NAA35: variants seen among roughly 807,000 people sequenced by gnomAD.
NAA35 encodes the protein MAK10 homolog, amino-acid N-acetyltransferase subunit.
A neutral mutation model predicts 101.7 loss-of-function variants in NAA35; 18 were observed. That is an observed-to-expected ratio of 0.18 (90% CI 0.12 to 0.26). The LOEUF (loss-of-function observed/expected upper bound fraction) is 0.26. Ranked by LOEUF, NAA35 falls within the 10% of genes least tolerant of loss-of-function variation. The probability of loss-of-function intolerance (pLI) is 1.00; values close to 1 mark genes in which losing one functional copy is unlikely to be tolerated. For synonymous variants in NAA35, 267 were observed against 273.1 expected (o/e 0.98, Z 0.22); for missense variants, 601 against 886.8 (o/e 0.68, Z 4.09).
intron 2 of NAA35, among the ~76,000 whole-genome samples, chr9:85,949,342 TG>T (rs750980265): frequency 1.1e-4 from 17 of 151,568 alleles, no homozygotes; most frequent in Non-Finnish European, 2.4e-4. Flanking sequence ...TTGCCCATGC[TG>T]GAGTGTAATG....
rs149568030 is a variant in NAA35, at chr9:85,989,210, C to T, written c.878-7189C>T. Among the ~76,000 whole-genome samples, 811 of 152,262 alleles carry T rather than the reference C, an allele frequency of 5.3e-3. 4 individuals carry two copies. Among genetic ancestry groups the T allele is most frequent in the African/African-American group, 0.019 (776 of 41,566 alleles). On this transcript the variant is annotated intron_variant, in intron 11 of 22. Coordinates refer to ENST00000361671, the MANE Select transcript of NAA35 (RefSeq NM_024635.4). ...GTGACCTGCTGGGCGTGGTGGCTCACGCCTGTAATCCCAGCACTTTGGGAG... is the reference window on the plus strand; with the variant it reads ...GTGACCTGCTGGGCGTGGTGGCTCATGCCTGTAATCCCAGCACTTTGGGAG...
intron 6 of NAA35, among the ~76,000 whole-genome samples, chr9:85,972,509 CAAAAA>C (rs34535924): frequency 7.4e-5 from 4 of 53,994 alleles, no homozygotes; most frequent in African/African-American, 2.9e-4. Flanking sequence ...GACCCTGTCT[CAAAAA>C]AAAAAAAAAA....
chr9:85,962,706 C>G (rs1418253831), intron 6 of NAA35, among the ~76,000 whole-genome samples: 1 of 152,108 alleles, frequency 6.6e-6, no homozygotes, highest in East Asian at 1.9e-4. Context: ...AGCATATGTT[C>G]TTTCTGTAGT....
intron 5 of NAA35, among the ~76,000 whole-genome samples, chr9:85,960,114 A>G (rs571369419): frequency 6.6e-6 from 1 of 152,242 alleles, no homozygotes; most frequent in Non-Finnish European, 1.5e-5. Flanking sequence ...GCCGTGGTTC[A>G]TAATACCCTT....
In NAA35 at chr9:86,023,417, A is replaced by C. The variant is rs1832652464; in HGVS notation, c.*1457A>C. Among the ~76,000 whole-genome samples, 1 of 152,222 alleles carries C rather than the reference A, an allele frequency of 6.6e-6. No homozygotes were observed. The highest frequency in any genetic ancestry group is 1.5e-5 in the Non-Finnish European group (1 of 68,040). ...AGGAATGGTAGGAAATAGGCAAGAC[A>C]AGAAACAAAGAATCAAAAGAAAAAG... is the stretch of plus-strand genomic sequence containing the variant. On this transcript the variant is annotated 3_prime_UTR_variant, in exon 23 of 23. Coordinates refer to ENST00000361671, the MANE Select transcript of NAA35 (RefSeq NM_024635.4).
rs776016210 is a variant in NAA35, at chr9:86,018,710, C to A, written c.1926C>A (p.Asp642Glu). 1.2e-6 allele frequency: 2 copies of A among 1,613,270 alleles called. No homozygotes were observed. The highest frequency in any genetic ancestry group is 2.2e-5 in the South Asian group (2 of 90,794). The change falls in exon 21 of 23, where the codon GAC (aspartate) becomes GAA (glutamate). Residue 642 changes from aspartate to glutamate, a missense_variant. Physicochemically the swap from Asp to Glu is conservative, Grantham distance 45. Around this residue, in one of 8 missense-constraint regions of NAA35, gnomAD observed 90 missense variants for 108.7 expected, o/e 0.83. Coordinates refer to ENST00000361671, the MANE Select transcript of NAA35 (RefSeq NM_024635.4). The part of the protein sequence containing the change: ...VHYLQFKEMS[D>E]LNKYSPPPQS... ...CCCCTTCTTTTTAGGAAATGTCTGA[C>A]CTCAATAAATATAGCCCTCCTCCTC...
At chr9:85,975,222 T>G in intron 8 of NAA35, 65 bp downstream of exon 8, 1 of 1,509,286 alleles carries the variant, frequency 6.6e-7, no homozygotes, top group Non-Finnish European at 9.0e-7. Context: ...TAACTTTACC[T>G]AATTAAAAAT....
intron 11 of NAA35, among the ~76,000 whole-genome samples, chr9:85,981,180 A>T (rs953735802): frequency 6.6e-6 from 1 of 152,156 alleles, no homozygotes; most frequent in African/African-American, 2.4e-5. Context: ...TGTTTATAGG[A>T]TGAGTGACTA....
Position 86,007,451 on chromosome 9 carries a change from G to A in NAA35, c.1210G>A (p.Val404Met). The change falls in exon 14 of 23, where the codon GTG becomes ATG. Residue 404 changes from valine (V) to methionine (M), a missense_variant. By Grantham distance (21) the Val-to-Met change is conservative (BLOSUM62 1). Transcript: ENST00000361671. ...DALRSFVSPP[V>M]LSPKCYLYNN... ...ACTTCGGTCTTTTGTCAGTCCTCCGGTGCTTTCCCCCAAGTAAGTATTGTA... is the reference window on the plus strand; with the variant it reads ...ACTTCGGTCTTTTGTCAGTCCTCCGATGCTTTCCCCCAAGTAAGTATTGTA... 6.2e-7 allele frequency: 1 copy of A among 1,613,116 alleles called. No individual in the cohort carries two copies. The highest frequency in any genetic ancestry group is 8.5e-7 in the Non-Finnish European group (1 of 1,179,294).
intron 21 of NAA35, among the ~76,000 whole-genome samples, chr9:86,019,687 G>C (rs1447246716): frequency 6.6e-6 from 1 of 152,144 alleles, no homozygotes; most frequent in Non-Finnish European, 1.5e-5. Flanking sequence ...TTTTCTAAAA[G>C]TTACTGTAAC....
intron 11 of NAA35, among the ~76,000 whole-genome samples, chr9:85,984,235 G>C (rs1440649133): frequency 6.6e-6 from 1 of 152,090 alleles, no homozygotes; most frequent in Non-Finnish European, 1.5e-5. Context: ...AGATTGAAGT[G>C]GGAGGATTGC....
At chr9:85,993,239 C>T (rs1433271585) in intron 11 of NAA35, among the ~76,000 whole-genome samples, 1 of 152,208 alleles carries the variant, frequency 6.6e-6, no homozygotes, top group Non-Finnish European at 1.5e-5. Flanking sequence ...GTGGCGCAAT[C>T]TAAGCTTACT....
chr9:86,011,985 TATTATATATA>T (rs1831954515), intron 15 of NAA35, among the ~76,000 whole-genome samples: 1 of 142,706 alleles, frequency 7.0e-6, no homozygotes. Context: ...ATATAATATA[TATTATATATA>T]ATAATATATA....
chr9:86,006,438 T>C (rs1831646410), intron 13 of NAA35, among the ~76,000 whole-genome samples: 1 of 152,120 alleles, frequency 6.6e-6, no homozygotes, highest in South Asian at 2.1e-4. Context: ...CATACTGTGG[T>C]ACATGCACAG....
rs977753806 is a variant in NAA35 at position 86,016,795 on chromosome 9, A to T, written c.1705+120A>T. 22 of 987,768 alleles carry T rather than the reference A, an allele frequency of 2.2e-5. No individual in the cohort carries two copies. In the Middle Eastern group the frequency reaches 9.0e-4, roughly 40 times the overall value. The allele number at this position is 987,768 out of a possible 1,614,324, so 61.2% of individuals were successfully genotyped here. On this transcript the variant is annotated intron_variant, in intron 18 of 22. Transcript: ENST00000361671. ...TTAGTTCTTGTTCCTCTTTTCAGAA[A>T]CTATAAGGTAGAGACTGAGTCCCAG...
intron 2 of NAA35, among the ~76,000 whole-genome samples, chr9:85,953,595 T>C (rs1829115543): frequency 1.3e-5 from 2 of 151,544 alleles, no homozygotes; most frequent in South Asian, 2.1e-4. Flanking sequence ...CTGGCTACTT[T>C]TTGTATTTTT....
intron 12 of NAA35, among the ~76,000 whole-genome samples, chr9:85,997,937 CAG>C (rs1831242974): frequency 6.6e-6 from 1 of 151,498 alleles, no homozygotes; most frequent in Non-Finnish European, 1.5e-5. Flanking sequence ...TGTTTTGAGA[CAG>C]AGTCTCACTC....
chr9:85,977,006 A>G (rs1830239371), intron 9 of NAA35, among the ~76,000 whole-genome samples: 1 of 152,156 alleles, frequency 6.6e-6, no homozygotes, highest in East Asian at 1.9e-4. Context: ...GCGCCACAGT[A>G]TCAAAAGTTG....
At chr9:85,988,107 C>G (rs1475207299) in intron 11 of NAA35, among the ~76,000 whole-genome samples, 1 of 152,190 alleles carries the variant, frequency 6.6e-6, no homozygotes, top group African/African-American at 2.4e-5. Flanking sequence ...ACGGGCACAT[C>G]ACATGTGGCT....
Sources: allele counts gnomAD v4.1 joint callset (sites outside exome capture counted in the v4.1 genomes callset), GRCh38; gene constraint gnomAD v4.1.1; regional missense constraint gnomAD v4.1.1; transcripts MANE v1.5; gene names NCBI Gene and HGNC (gene_info 2026-07-23, HGNC 2026-07-21).